IQCJ: variants seen among roughly 807,000 people sequenced by gnomAD.
IQCJ encodes the protein IQ domain-containing protein J.
A neutral mutation model predicts 11.0 loss-of-function variants in IQCJ; 9 were observed. The observed-to-expected ratio is 0.82, with a 90% CI of 0.49 to 1.43. The LOEUF (loss-of-function observed/expected upper bound fraction) is 1.43, where lower values mean the gene tolerates loss of function less well. Ranked by LOEUF, IQCJ falls within the 40% of genes most tolerant of loss-of-function variation. The pLI is 0.00. For missense variants in IQCJ, 146 were observed against 133.2 expected (o/e 1.10, Z -0.47); for synonymous variants, 55 against 51.3 (o/e 1.07, Z -0.31).
At chr3:159,220,997 T>C (rs1212591514) in intron 1 of IQCJ, among the ~76,000 whole-genome samples, 1 of 152,120 alleles carries the variant, frequency 6.6e-6, no homozygotes, top group African/African-American at 2.4e-5. Context: ...AGGGAATATA[T>C]GTGCCATGGA....
At chr3:159,086,448 T>A (rs377363372) in intron 1 of IQCJ, among the ~76,000 whole-genome samples, 1 of 152,140 alleles carries the variant, frequency 6.6e-6, no homozygotes, top group Admixed American at 6.6e-5. Flanking sequence ...TTCCAATTCT[T>A]TGAAGAAAGT....
chr3:159,126,632 TG>T (rs1231999218), intron 1 of IQCJ, among the ~76,000 whole-genome samples: 1 of 152,236 alleles, frequency 6.6e-6, no homozygotes, highest in African/African-American at 2.4e-5. Flanking sequence ...TTGAAAAAGC[TG>T]GGTGTTTTTC....
chr3:159,071,211 A>G (rs1325561719), intron 1 of IQCJ, among the ~76,000 whole-genome samples: 1 of 152,054 alleles, frequency 6.6e-6, no homozygotes, highest in Non-Finnish European at 1.5e-5. Context: ...AAAGTATAAT[A>G]GTACAGTAAA....
intron 1 of IQCJ, among the ~76,000 whole-genome samples, chr3:159,142,911 C>G (rs1199651891): frequency 6.6e-6 from 1 of 152,002 alleles, no homozygotes; most frequent in East Asian, 1.9e-4. Flanking sequence ...ATATGTAAGC[C>G]TTCAGCATAT....
At chr3:159,193,851 T>C (rs927240358) in intron 1 of IQCJ, among the ~76,000 whole-genome samples, 1 of 152,208 alleles carries the variant, frequency 6.6e-6, no homozygotes, top group Non-Finnish European at 1.5e-5. Context: ...GACCTCATGA[T>C]GTCTGGCTTA....
At position 159,253,096 on chromosome 3, in the gene IQCJ, C is replaced by T. The variant is rs377560085; in HGVS notation, c.155+289C>T. On this transcript the variant is annotated intron_variant, in intron 3 of 3. Coordinates refer to ENST00000397832, the MANE Select transcript of IQCJ (RefSeq NM_001042706.3). ...TCCACTAGCATTTTCCTTTGCCTTTCGTCTTAGTAACTTGGTGGTTAATTC... is the reference window on the plus strand; with the variant it reads ...TCCACTAGCATTTTCCTTTGCCTTTTGTCTTAGTAACTTGGTGGTTAATTC... Among the ~76,000 whole-genome samples the T allele has an allele frequency of 3.2e-4, 48 of 152,240 alleles. 1 individual carries two copies. The highest frequency in any genetic ancestry group is 9.9e-4 in the African/African-American group (41 of 41,548).
chr3:159,238,710 T>TG (rs932851949), intron 1 of IQCJ, among the ~76,000 whole-genome samples: 1 of 152,052 alleles, frequency 6.6e-6, no homozygotes, highest in Non-Finnish European at 1.5e-5. Context: ...AGGGGAAAAT[T>TG]GGGGTCTTCC....
intron 1 of IQCJ, among the ~76,000 whole-genome samples, chr3:159,168,117 A>T (rs2108232206): frequency 6.6e-6 from 1 of 152,222 alleles, no homozygotes; most frequent in Non-Finnish European, 1.5e-5. Flanking sequence ...TGTTGAGTAG[A>T]CTGGATGTGA....
In IQCJ at chr3:159,252,474, T is replaced by G. The variant is rs531897329; in HGVS notation, c.75-253T>G. On this transcript the variant is annotated intron_variant, in intron 2 of 3. Coordinates refer to ENST00000397832, the MANE Select transcript of IQCJ (RefSeq NM_001042706.3). ...TCCTTTTCTTTTCTCTTAAAGGAAA[T>G]GATTTTCATACCATAGCTATGAATG... 2.6e-4 allele frequency among the ~76,000 whole-genome samples: 40 copies of G among 152,290 alleles called. No individual in the cohort carries two copies. In the South Asian group the frequency reaches 7.7e-3, roughly 29 times the overall value.
At chr3:159,177,983 A>G (rs1722880856) in intron 1 of IQCJ, among the ~76,000 whole-genome samples, 1 of 152,220 alleles carries the variant, frequency 6.6e-6, no homozygotes, top group African/African-American at 2.4e-5. Context: ...TAACTTCAAG[A>G]AGCAATGTTC....
chr3:159,138,708 G>C (rs1310414586), intron 1 of IQCJ, among the ~76,000 whole-genome samples: 2 of 152,232 alleles, frequency 1.3e-5, no homozygotes, highest in East Asian at 3.9e-4. Flanking sequence ...CGTGTTAATG[G>C]TCATGTTCAC....
At chr3:159,223,772 A>G (rs1725687093) in intron 1 of IQCJ, among the ~76,000 whole-genome samples, 1 of 152,142 alleles carries the variant, frequency 6.6e-6, no homozygotes, top group South Asian at 2.1e-4. Flanking sequence ...GAGCACCAAC[A>G]TGATGCCACA....
intron 1 of IQCJ, among the ~76,000 whole-genome samples, chr3:159,157,684 G>A (rs1721603123): frequency 1.3e-5 from 2 of 152,132 alleles, no homozygotes; most frequent in South Asian, 2.1e-4. Context: ...ACATCTACAT[G>A]ATTCTCATGG....
chr3:159,121,142 T>C (rs1354263504), intron 1 of IQCJ, among the ~76,000 whole-genome samples: 4 of 124,100 alleles, frequency 3.2e-5, no homozygotes, highest in Non-Finnish European at 5.0e-5. Context: ...TTTTTTCTTT[T>C]TTTTTTTTTT....
intron 1 of IQCJ, among the ~76,000 whole-genome samples, chr3:159,225,093 A>G (rs897839448): frequency 1.3e-5 from 2 of 152,230 alleles, no homozygotes; most frequent in Admixed American, 6.5e-5. Context: ...TAATAAAGCT[A>G]TATCTATTGA....
chr3:159,077,760 C>A (rs771086865), intron 1 of IQCJ, among the ~76,000 whole-genome samples: 2 of 151,940 alleles, frequency 1.3e-5, no homozygotes, highest in African/African-American at 4.8e-5. Flanking sequence ...ACTTTATGTA[C>A]CCTCTTTGAA....
chr3:159,159,993 A>G (rs1721746619), intron 1 of IQCJ, among the ~76,000 whole-genome samples: 1 of 152,184 alleles, frequency 6.6e-6, no homozygotes, highest in Non-Finnish European at 1.5e-5. Flanking sequence ...ACTTCTTTTC[A>G]TTATAAATTA....
chr3:159,196,975 A>C (rs1202627705), intron 1 of IQCJ, among the ~76,000 whole-genome samples: 5 of 145,588 alleles, frequency 3.4e-5, no homozygotes, highest in African/African-American at 5.1e-5. Flanking sequence ...TGTCCCACCC[A>C]CCCCCCAAAG....
At chr3:159,140,415 A>AG (rs1294606894) in intron 1 of IQCJ, among the ~76,000 whole-genome samples, 1 of 152,210 alleles carries the variant, frequency 6.6e-6, no homozygotes, top group Non-Finnish European at 1.5e-5. Context: ...CACAACAGAG[A>AG]GGATGTGTGT....
Sources: allele counts gnomAD v4.1 joint callset (sites outside exome capture counted in the v4.1 genomes callset), GRCh38; gene constraint gnomAD v4.1.1; transcripts MANE v1.5; gene names NCBI Gene and HGNC (gene_info 2026-07-23, HGNC 2026-07-21).